SOX6: variants seen among roughly 807,000 people sequenced by gnomAD.
SOX6 encodes SRY-box transcription factor 6.
A neutral mutation model predicts 97.8 loss-of-function variants in SOX6; 11 were observed. The ratio of observed to expected loss-of-function variants is 0.11; its 90% CI spans 0.07 to 0.19. The LOEUF is 0.19. Among genes scored for constraint, SOX6 ranks in the 10% least tolerant of loss-of-function variants. SOX6 has a pLI of 1.00. For synonymous variants in SOX6, 360 were observed against 371.4 expected (o/e 0.97, Z 0.35); for missense variants, 810 against 1,039.5 (o/e 0.78, Z 3.04).
intron 3 of SOX6, among the ~76,000 whole-genome samples, chr11:16,653,431 AC>A (rs2134014997): frequency 1.3e-5 from 2 of 152,320 alleles, no homozygotes; most frequent in African/African-American, 4.8e-5. Flanking sequence ...CCATGGAATA[AC>A]GACTTAGCCA....
rs563744875 is a variant in SOX6, at chr11:16,318,259, G to T, written c.445+187C>A. 7.9e-6 allele frequency: 5 copies of T among 631,952 alleles called. No homozygotes were observed. In the South Asian group the frequency reaches 9.3e-5, roughly 12 times the overall value. 39.1% of individuals were successfully genotyped at this position (631,952 alleles called of 1,614,324 possible). On this transcript the variant is annotated intron_variant, in intron 3 of 15. Transcript: ENST00000683767. ...ATGCACAAAGTTTTAGAAAAACGGA[G>T]CTATCTGTTTAACACTCCTAATGGA...
rs1482352398 is a variant in SOX6, at chr11:16,511,478, T to A, written n.610-35090A>T. Among the ~76,000 whole-genome samples the A allele has an allele frequency of 2.6e-5, 4 of 152,164 alleles. No homozygotes were observed. The East Asian group carries it at 5.8e-4, about 22-fold the overall frequency. On this transcript the variant is annotated intron_variant and non_coding_transcript_variant, in intron 4 of 5. Transcript: ENST00000524520. ...ATCAAAACTTTCTCTAAAGGAGATG[T>A]TTTTTATATTCCCAGGCTTTACCTG...
At chr11:16,259,964 T>TGTGTGTGTGC (rs1853828793) in intron 3 of SOX6, among the ~76,000 whole-genome samples, 1 of 152,006 alleles carries the variant, frequency 6.6e-6, no homozygotes, top group African/African-American at 2.4e-5. Context: ...TGTGTGTGTG[T>TGTGTGTGTGC]GTGTGTGTGT....
chr11:16,153,245 T>A (rs1564986303), intron 6 of SOX6, among the ~76,000 whole-genome samples: 1 of 152,028 alleles, frequency 6.6e-6, no homozygotes, highest in East Asian at 1.9e-4. Flanking sequence ...TAACCTCAAG[T>A]GATCCACCCA....
chr11:16,694,179 G>GTCA (rs1848035909), intron 3 of SOX6, among the ~76,000 whole-genome samples: 2 of 152,106 alleles, frequency 1.3e-5, no homozygotes, highest in South Asian at 4.1e-4. Context: ...AGTATGTAAG[G>GTCA]TCATGATTTT....
At chr11:16,266,778 A>G (rs1477217295) in intron 3 of SOX6, among the ~76,000 whole-genome samples, 1 of 151,612 alleles carries the variant, frequency 6.6e-6, no homozygotes, top group Non-Finnish European at 1.5e-5. Context: ...AATGCAACAG[A>G]AAGTCATAGC....
chr11:16,018,944 A>T (rs1854967228), intron 12 of SOX6, among the ~76,000 whole-genome samples: 1 of 152,160 alleles, frequency 6.6e-6, no homozygotes, highest in South Asian at 2.1e-4. Context: ...AATAAATGAT[A>T]TTTATACCAT....
At chr11:16,281,659 T>C (rs577949201) in intron 3 of SOX6, among the ~76,000 whole-genome samples, 1 of 152,074 alleles carries the variant, frequency 6.6e-6, no homozygotes, top group South Asian at 2.1e-4. Context: ...TAATATCTGT[T>C]AATATAGTAC....
chr11:16,488,240 A>C (rs1158618299), intron 4 of SOX6, among the ~76,000 whole-genome samples: 2 of 152,194 alleles, frequency 1.3e-5, no homozygotes, highest in Non-Finnish European at 1.5e-5. Context: ...AAATGAATGC[A>C]GTAGAGTTGG....
chr11:16,190,657 G>GTGTA (rs757071936), intron 4 of SOX6, among the ~76,000 whole-genome samples: 13 of 152,148 alleles, frequency 8.5e-5, no homozygotes, highest in Non-Finnish European at 1.6e-4. Context: ...AAGCATAGTA[G>GTGTA]TGTAACAAGT....
At chr11:16,615,133 C>T (rs763237690) in intron 3 of SOX6, among the ~76,000 whole-genome samples, 7 of 152,042 alleles carry the variant, frequency 4.6e-5, no homozygotes, top group Non-Finnish European at 1.0e-4. Flanking sequence ...TGAATGTTAC[C>T]GAGAACAGTA....
At chr11:16,265,889 T>C (rs2134221231) in intron 3 of SOX6, among the ~76,000 whole-genome samples, 1 of 131,992 alleles carries the variant, frequency 7.6e-6, no homozygotes, top group East Asian at 2.2e-4. Flanking sequence ...GTAGAAACTA[T>C]CTAAAATGAA....
At chr11:16,703,699 T>G (rs765560867) in intron 3 of SOX6, among the ~76,000 whole-genome samples, 1 of 152,178 alleles carries the variant, frequency 6.6e-6, no homozygotes, top group African/African-American at 2.4e-5. Flanking sequence ...TTTCATCTTT[T>G]TTTACAATGT....
chr11:16,102,857 T>G (rs528975163), intron 7 of SOX6, among the ~76,000 whole-genome samples: 1 of 152,056 alleles, frequency 6.6e-6, no homozygotes, highest in Admixed American at 6.6e-5. Context: ...ATCTCTCACC[T>G]TGTAAAAAAC....
chr11:16,219,679 C>A (rs1443641587), intron 4 of SOX6, among the ~76,000 whole-genome samples: 1 of 151,960 alleles, frequency 6.6e-6, no homozygotes, highest in East Asian at 1.9e-4. Context: ...GATGAAAATA[C>A]ACATATTTTA....
chr11:16,617,137 T>C (rs1238308851), intron 3 of SOX6, among the ~76,000 whole-genome samples: 8 of 151,912 alleles, frequency 5.3e-5, no homozygotes, highest in Non-Finnish European at 3.0e-5. Flanking sequence ...ATTATATAAA[T>C]AGCTCATTGG....
chr11:16,410,152 TATATC>T (rs201805098), intron 1 of SOX6, among the ~76,000 whole-genome samples: 2,571 of 152,300 alleles, frequency 0.017, 82 homozygotes, highest in African/African-American at 0.059. Flanking sequence ...CATGCATACA[TATATC>T]ATATCCCAGT....
At position 16,411,773 on chromosome 11, in the gene SOX6, T is replaced by C. The variant is rs146654931; in HGVS notation, c.-5+64542A>G. Reference sequence around the variant, plus strand: ...GCTATATTTGGAGAATAAATTTTCTTTCAAATCCAGATTATGTTTTCTAGG... The same window carrying C: ...GCTATATTTGGAGAATAAATTTTCTCTCAAATCCAGATTATGTTTTCTAGG... On this transcript the variant is annotated intron_variant, in intron 1 of 15. Transcript: ENST00000396356. Among the ~76,000 whole-genome samples the C allele has an allele frequency of 3.9e-3, 596 of 152,308 alleles. 14 individuals are homozygous for C. The highest frequency in any genetic ancestry group is 0.034 in the Admixed American group (514 of 15,300).
chr11:16,481,887 AC>A (rs1180814525), intron 4 of SOX6, among the ~76,000 whole-genome samples: 1 of 152,212 alleles, frequency 6.6e-6, no homozygotes, highest in Non-Finnish European at 1.5e-5. Context: ...ATTTTAAATA[AC>A]AATAATAAAC....
Sources: gnomAD v4.1 joint callset for allele counts (sites outside exome capture counted in the v4.1 genomes callset) on GRCh38, gnomAD v4.1.1 for gene constraint, MANE v1.5 for transcripts, NCBI Gene and HGNC (gene_info 2026-07-23, HGNC 2026-07-21) for gene names.